DTNA: variants seen among roughly 807,000 people sequenced by gnomAD.
The protein encoded by DTNA is dystrobrevin alpha, also known as dystrophin-related protein 3.
A neutral mutation model predicts 100.7 loss-of-function variants in DTNA; 43 were observed. That is an observed-to-expected ratio of 0.43 (90% CI 0.33 to 0.55). DTNA has a LOEUF of 0.55. DTNA is among the 20% of genes least tolerant of loss of function. DTNA has a pLI of 0.04. For missense variants in DTNA, 798 were observed against 953.9 expected (o/e 0.84, Z 2.15); for synonymous variants, 349 against 347.9 (o/e 1.00, Z -0.04).
intron 1 of DTNA, among the ~76,000 whole-genome samples, chr18:34,678,910 A>G (rs1340231062): frequency 6.6e-6 from 1 of 152,200 alleles, no homozygotes; most frequent in Non-Finnish European, 1.5e-5. Flanking sequence ...ATGGATTATT[A>G]AGTAACATTA....
chr18:34,829,609 C>T, intron 11 of DTNA, 120 bp downstream of exon 11: 1 of 1,034,830 alleles, frequency 9.7e-7, no homozygotes, highest in South Asian at 2.3e-5. Flanking sequence ...TAGAGGTCTT[C>T]TGGGGTTTAA....
intron 20 of DTNA, 21 bp from the exon 21 acceptor site, chr18:34,882,048 T>A (rs750532316): frequency 1.2e-6 from 2 of 1,614,034 alleles, no homozygotes; most frequent in Non-Finnish European, 1.7e-6. Flanking sequence ...CTCTAACATG[T>A]CATCTGTGGT....
chr18:34,820,070 A>G (rs1337677957), intron 8 of DTNA, among the ~76,000 whole-genome samples: 15 of 151,552 alleles, frequency 9.9e-5, no homozygotes, highest in Admixed American at 9.8e-4. Context: ...TTTTGACTGT[A>G]TAACATCAGG....
intron 1 of DTNA, chr18:34,737,649 C>T (rs1043509002): frequency 6.6e-6 from 1 of 152,184 alleles, no homozygotes; most frequent in African/African-American, 2.4e-5. Flanking sequence ...GTCGCTCTCC[C>T]TCTCCGATTC....
intron 4 of DTNA, 48 bp from the exon 5 acceptor site, chr18:34,806,171 G>A: frequency 2.0e-6 from 3 of 1,525,816 alleles, no homozygotes; most frequent in Non-Finnish European, 2.7e-6. Flanking sequence ...TGACATCATG[G>A]TTTTGTTTTG....
chr18:34,775,014 A>G (rs768603252), intron 3 of DTNA, among the ~76,000 whole-genome samples: 2 of 152,220 alleles, frequency 1.3e-5, no homozygotes, highest in Non-Finnish European at 2.9e-5. Context: ...CTGAATTACA[A>G]TCTAAAATGG....
rs563728352 is a variant in DTNA, at chr18:34,861,278, G to A, written c.1647-2688G>A. On this transcript the variant is annotated intron_variant, in intron 16 of 22. Coordinates refer to ENST00000444659, the MANE Select transcript of DTNA (RefSeq NM_001386795.1). ...AGGCGGGCGGATCACGAGGTCAGGA[G>A]ATCGAGACCATCCTGGCTAACACAG... 2.6e-5 allele frequency among the ~76,000 whole-genome samples: 4 copies of A among 152,020 alleles called. No homozygotes were observed. The South Asian group carries it at 6.2e-4, about 24-fold the overall frequency.
At chr18:34,599,302 A>G (rs550343526) in intron 1 of DTNA, among the ~76,000 whole-genome samples, 4 of 152,372 alleles carry the variant, frequency 2.6e-5, no homozygotes, top group African/African-American at 9.6e-5. Context: ...ATATGAAAAT[A>G]TGATATTGGC....
chr18:34,497,691 A>C (rs1250642441), intron 1 of DTNA, among the ~76,000 whole-genome samples: 1 of 152,188 alleles, frequency 6.6e-6, no homozygotes, highest in East Asian at 1.9e-4. Context: ...GTTTAAAAAA[A>C]AAAAAGTGGA....
chr18:34,764,234 C>CTA (rs5823954), intron 2 of DTNA, among the ~76,000 whole-genome samples: 1 of 152,194 alleles, frequency 6.6e-6, no homozygotes, highest in Non-Finnish European at 1.5e-5. Flanking sequence ...GACTTTATAT[C>CTA]TGTATTACCA....
At chr18:34,873,342 G>A (rs1040609548) in intron 17 of DTNA, among the ~76,000 whole-genome samples, 5 of 152,126 alleles carry the variant, frequency 3.3e-5, no homozygotes, top group African/African-American at 9.7e-5. Context: ...CCCCACTCCC[G>A]GCTGTGTTTG....
chr18:34,868,696 T>C, intron 17 of DTNA: 1 of 985,332 alleles, frequency 1.0e-6, no homozygotes. Flanking sequence ...TTGTTAGAGG[T>C]AATGCATGAA....
In DTNA at chr18:34,877,856, C is replaced by T. The variant is rs758514456; in HGVS notation, c.1993+48C>T. The T allele has an allele frequency of 8.0e-6, 12 of 1,503,028 alleles. No homozygotes were observed. In the South Asian group the frequency reaches 1.1e-4, roughly 14 times the overall value. The allele number at this position is 1,503,028 out of a possible 1,614,324, so 93.1% of individuals were successfully genotyped here. A position where few individuals can be genotyped will look rare whatever the true frequency, so the allele number is the denominator to read the frequency against. On this transcript the variant is annotated intron_variant, in intron 19 of 22. Coordinates refer to ENST00000444659, the MANE Select transcript of DTNA (RefSeq NM_001386795.1). ...TTTGTCTGCTCATCATGGAGGGATCCATAAGTGCTAGGGGTCTCTCTTAGA... is the reference window on the plus strand; with the variant it reads ...TTTGTCTGCTCATCATGGAGGGATCTATAAGTGCTAGGGGTCTCTCTTAGA...
intron 16 of DTNA, among the ~76,000 whole-genome samples, chr18:34,860,101 C>T (rs1320483130): frequency 6.6e-6 from 1 of 152,016 alleles, no homozygotes; most frequent in Non-Finnish European, 1.5e-5. Flanking sequence ...GGCTGGAGTG[C>T]AGTGGCACGA....
Position 34,889,503 on chromosome 18 carries a change from C to T in DTNA, c.*1769C>T. 1 of 985,432 alleles carries T rather than the reference C, an allele frequency of 1.0e-6. No homozygotes were observed. The highest frequency in any genetic ancestry group is 4.7e-5 in the South Asian group (1 of 21,288). The allele number at this position is 985,432 out of a possible 1,614,324, so 61.0% of individuals were successfully genotyped here. On this transcript the variant is annotated 3_prime_UTR_variant, in exon 23 of 23. Coordinates refer to ENST00000444659, the MANE Select transcript of DTNA (RefSeq NM_001386795.1). The stretch of plus-strand genomic sequence containing the variant: ...AGAAAGGTTCTGTGATTCACTTTTG[C>T]TTCTGGGGCTGGCAAAAACCTTCTC...
At chr18:34,826,660 T>G (rs1273145523) in intron 9 of DTNA, among the ~76,000 whole-genome samples, 3 of 152,204 alleles carry the variant, frequency 2.0e-5, no homozygotes, top group Non-Finnish European at 4.4e-5. Context: ...TATAGAATTA[T>G]AGTGAAACTG....
intron 1 of DTNA, among the ~76,000 whole-genome samples, chr18:34,606,303 A>G (rs527562047): frequency 2.6e-5 from 4 of 152,320 alleles, no homozygotes; most frequent in South Asian, 4.1e-4. Context: ...CTCTTAGCTC[A>G]TATGATGGTA....
intron 1 of DTNA, among the ~76,000 whole-genome samples, chr18:34,604,381 A>AT (rs892346865): frequency 1.3e-5 from 2 of 151,978 alleles, no homozygotes; most frequent in African/African-American, 2.4e-5. Flanking sequence ...CTTAGCACAC[A>AT]TTTTTTTTCC....
intron 4 of DTNA, among the ~76,000 whole-genome samples, chr18:34,795,080 C>G (rs548393856): frequency 6.6e-6 from 1 of 152,264 alleles, no homozygotes; most frequent in South Asian, 2.1e-4. Context: ...GGACGTAGTA[C>G]CACCCCCTCC....
Sources: allele counts gnomAD v4.1 joint callset (sites outside exome capture counted in the v4.1 genomes callset), GRCh38; gene constraint gnomAD v4.1.1; transcripts MANE v1.5; gene names NCBI Gene and HGNC (gene_info 2026-07-23, HGNC 2026-07-21).